Variants in PLIN4 observed in about 807,000 individuals in gnomAD.
PLIN4 encodes perilipin-4.
A neutral mutation model predicts 52.4 loss-of-function variants in PLIN4; 57 were observed. The ratio of observed to expected loss-of-function variants is 1.09; its 90% CI spans 0.88 to 1.36. The LOEUF is 1.36. PLIN4 is among the 40% of genes most tolerant of loss of function. The pLI is 0.00. For missense variants in PLIN4, 1,757 were observed against 1,770.3 expected (o/e 0.99, Z 0.13); for synonymous variants, 826 against 785.4 (o/e 1.05, Z -0.86).
chr19:4,509,061 G>A (rs2145259039), intron 5 of PLIN4, 106 bp from the exon 6 acceptor site: 4 of 1,135,940 alleles, frequency 3.5e-6, no homozygotes, highest in South Asian at 3.2e-5. Flanking sequence ...TGTGATCCCA[G>A]CACTCTGGGA....
chr19:4,504,337 A>G lies in PLIN4; in HGVS notation c.*122T>C. The G allele has an allele frequency of 2.0e-6, 2 of 1,020,842 alleles. No homozygotes were observed. Among genetic ancestry groups the G allele is most frequent in the Admixed American group, 6.0e-5 (2 of 33,376 alleles). 63.2% of individuals were successfully genotyped at this position (1,020,842 alleles called of 1,614,324 possible). On this transcript the variant is annotated 3_prime_UTR_variant, in exon 8 of 8. Transcript: ENST00000301286. ...AGCCCCTCGGCGCTCAGCCAGCTGC[A>G]GCCCCAAAGGTCTAGGGCTTTAGGG...
At position 4,504,734 on chromosome 19, in the gene PLIN4, G is replaced by A; in HGVS notation, c.3841C>T (p.His1281Tyr). 6.3e-7 allele frequency: 1 copy of A among 1,599,496 alleles called. No homozygotes were observed. Among genetic ancestry groups the A allele is most frequent in the Non-Finnish European group, 8.5e-7 (1 of 1,174,502 alleles). ...SRVCGLLRQL[H>Y]TAYSGLVSSL... ...GAGACCAGGCCACTGTAGGCCGTGT[G>A]CAGCTGCCGGAGAAGGCCGCAGACC... is the stretch of plus-strand genomic sequence containing the variant. Residue 1281 changes from histidine (H) to tyrosine (Y), a missense_variant, in exon 8 of 8, where the codon CAC becomes TAC. By Grantham distance (83) the His-to-Tyr change is moderately conservative. Transcript: ENST00000301286.
Position 4,504,488 on chromosome 19 carries a change from G to T in PLIN4, c.4087C>A (p.Pro1363Thr), listed in dbSNP as rs767075907. The stretch of plus-strand genomic sequence containing the variant: ...TGCCCGCCAGCGGGCAAGGCGAAGG[G>T]CCCTACCAGCCAGCTGAGCGGGGGA... ...HNPPLSWLVG[P>T]FALPAGGQ Residue 1363 changes from proline (P) to threonine (T), a missense_variant, in exon 8 of 8, where the codon CCC becomes ACC. Pro to Thr is a conservative substitution (Grantham distance 38, BLOSUM62 -1). Transcript: ENST00000301286. 2.5e-6 allele frequency: 4 copies of T among 1,595,402 alleles called. No homozygotes were observed. The South Asian group carries it at 3.3e-5, about 13-fold the overall frequency.
At chr19:4,509,602 C>T (rs1000165921) in intron 5 of PLIN4, among the ~76,000 whole-genome samples, 7 of 151,860 alleles carry the variant, frequency 4.6e-5, no homozygotes, top group Admixed American at 1.3e-4. Context: ...CCAGCCTGGG[C>T]GACAAGAGTG....
In PLIN4 at chr19:4,509,310, CAAAAA is replaced by C. The variant is rs71168909; in HGVS notation, c.3515-360_3515-356del. Among the ~76,000 whole-genome samples, 5 of 15,784 alleles carry C rather than the reference CAAAAA, an allele frequency of 3.2e-4. 1 individual carries two copies. The highest frequency in any genetic ancestry group is 6.4e-4 in the Non-Finnish European group (5 of 7,872). The allele number at this position is 15,784 out of a possible 152,430, so 10.4% of individuals were successfully genotyped here. On this transcript the variant is annotated intron_variant, in intron 5 of 7. Transcript: ENST00000301286. The stretch of plus-strand genomic sequence containing the variant: ...TGGGTAAGAGTGCGAGACTCCGTCT[CAAAAA>C]AAAAAAAAAAGTTAAGTGAGGCCAG...
At chr19:4,509,185 C>T (rs1021988475) in intron 5 of PLIN4, among the ~76,000 whole-genome samples, 7 of 151,122 alleles carry the variant, frequency 4.6e-5, no homozygotes, top group African/African-American at 1.7e-4. Flanking sequence ...GTGGCGGGTG[C>T]CTGTAGTCCC....
rs1555692744 is a variant in PLIN4 at position 4,511,980 on chromosome 19, C to CG, written c.1979dup (p.Thr661AspfsTer103). ...TGCCAAAGGTGTTCTTTGTACCTGT[C>CG]GCGATATTTTGGGTCGTTTTCAGCC... On this transcript the variant is annotated frameshift_variant, in exon 5 of 8. Coordinates refer to ENST00000301286, the MANE Select transcript of PLIN4 (RefSeq NM_001367868.2). LOFTEE classifies it high-confidence loss of function. 6.4e-7 allele frequency: 1 copy of CG among 1,565,212 alleles called. No individual in the cohort carries two copies. Among genetic ancestry groups the CG allele is most frequent in the South Asian group, 1.1e-5 (1 of 88,092 alleles).
Position 4,511,229 on chromosome 19 carries a change from C to A in PLIN4, c.2731G>T (p.Gly911Trp), listed in dbSNP as rs761005531. The A allele has an allele frequency of 6.2e-7, 1 of 1,611,418 alleles. No individual in the cohort carries two copies. The stretch of plus-strand genomic sequence containing the variant: ...GTGTCCACGCCGGTCTGGACAGTCC[C>A]TTTGGCCAAGTTCACAGCCCCTGTG... ...GLTGAVNLAKGTVQTGVDTSK... is the reference protein window; with the variant it reads ...GLTGAVNLAKWTVQTGVDTSK... Residue 911 changes from glycine (G) to tryptophan (W), a missense_variant, in exon 5 of 8, where the codon GGG (glycine) becomes TGG (tryptophan). Transcript: ENST00000301286.
rs200403335 is a variant in PLIN4, at chr19:4,510,536, C to T, written c.3424G>A (p.Gly1142Ser). 2.2e-5 allele frequency: 33 copies of T among 1,493,654 alleles called. No individual in the cohort carries two copies. The highest frequency in any genetic ancestry group is 5.6e-5 in the African/African-American group (4 of 71,262). 92.5% of individuals were successfully genotyped at this position (1,493,654 alleles called of 1,614,324 possible). The change falls in exon 5 of 8, where the codon GGC (glycine) becomes AGC (serine). Residue 1142 changes from glycine to serine, a missense_variant. Around this residue, in one of 7 missense-constraint regions of PLIN4, gnomAD observed 712 missense variants for 637.1 expected, o/e 1.12. Coordinates refer to ENST00000301286, the MANE Select transcript of PLIN4 (RefSeq NM_001367868.2). ...EDTGLLATTH[G>S]PEEAPRLAML... Reference sequence around the variant, plus strand: ...GCCAAGCGTGGGGCTTCTTCGGGGCCGTGTGTGGTGGCCAAAAGCCCCGTG... The same window carrying T: ...GCCAAGCGTGGGGCTTCTTCGGGGCTGTGTGTGGTGGCCAAAAGCCCCGTG...
chr19:4,506,361 G>A (rs1294878476), intron 6 of PLIN4, among the ~76,000 whole-genome samples: 2 of 152,140 alleles, frequency 1.3e-5, no homozygotes, highest in African/African-American at 2.4e-5. Context: ...CCATTCTGAC[G>A]CACTCCCTCT....
At position 4,504,539 on chromosome 19, in the gene PLIN4, G is replaced by A. The variant is rs202046870; in HGVS notation, c.4036C>T (p.Gln1346Ter). 1.4e-4 allele frequency: 229 copies of A among 1,606,520 alleles called. No homozygotes were observed. In the Admixed American group the frequency reaches 1.9e-3, roughly 13 times the overall value. ...TTGTGCTGTAGGCCCTCCAGCAGCTGCTCTAACCCCTGCCAAGCCTGGTGC... is the reference window on the plus strand; with the variant it reads ...TTGTGCTGTAGGCCCTCCAGCAGCTACTCTAACCCCTGCCAAGCCTGGTGC... ...GVHQAWQGLE[Q>*]LLEGLQHNPP... Residue 1346 changes from glutamine to a stop codon, truncating the protein, a stop_gained, in exon 8 of 8, where the codon CAG (glutamine) becomes TAG (stop). Transcript: ENST00000301286. LOFTEE classifies it low-confidence loss of function (END_TRUNC).
At chr19:4,509,031 CG>C in intron 5 of PLIN4, 76 bp from the exon 6 acceptor site, 1 of 1,401,502 alleles carries the variant, frequency 7.1e-7, no homozygotes, top group East Asian at 2.5e-5. Flanking sequence ...AAGTGAGGGC[CG>C]GGCGCGGCGG....
intron 5 of PLIN4, among the ~76,000 whole-genome samples, chr19:4,509,390 G>T (rs1360932616): frequency 1.3e-5 from 2 of 150,174 alleles, no homozygotes; most frequent in African/African-American, 4.9e-5. Flanking sequence ...GCCAAGGCGG[G>T]TGGATCACCT....
At chr19:4,513,785 G>A (rs564278769) in intron 4 of PLIN4, 84 bp from the exon 5 acceptor site, 1 of 1,455,266 alleles carries the variant, frequency 6.9e-7, no homozygotes, top group South Asian at 1.4e-5. Flanking sequence ...GCCCCCTAGT[G>A]TGCTTTGGGG....
At chr19:4,518,345 A>C in intron 1 of PLIN4, 40 bp downstream of exon 1, 1 of 1,231,768 alleles carries the variant, frequency 8.1e-7, no homozygotes, top group Non-Finnish European at 1.0e-6. Context: ...CCCATCCCAC[A>C]CCCACTCCCC....
chr19:4,514,596 G>A (rs1245470082), intron 4 of PLIN4, among the ~76,000 whole-genome samples: 1 of 151,900 alleles, frequency 6.6e-6, no homozygotes, highest in African/African-American at 2.4e-5. Context: ...GTGTGGTGGT[G>A]GGCGCCTGTA....
rs2145265854 is a variant in PLIN4 at position 4,510,477 on chromosome 19, G to A, written c.3483C>T (p.Asp1161=). Residue 1161 remains aspartate (D), a synonymous_variant, in exon 5 of 8, where the codon GAC becomes GAT. Transcript: ENST00000301286. ...MLQNELEGLG[D]IFHPMNAEEQ... Reference sequence around the variant, plus strand: ...CCTCCGCATTCATGGGGTGGAAGATGTCCCCCAGCCCCTCCAACTCATTCT... The same window carrying A: ...CCTCCGCATTCATGGGGTGGAAGATATCCCCCAGCCCCTCCAACTCATTCT... The A allele has an allele frequency of 7.0e-7, 1 of 1,436,990 alleles. No individual in the cohort carries two copies. Among genetic ancestry groups the A allele is most frequent in the African/African-American group, 1.4e-5 (1 of 69,906 alleles). The allele number at this position is 1,436,990 out of a possible 1,614,324, so 89.0% of individuals were successfully genotyped here.
rs748425617 is a variant in PLIN4 at position 4,513,378 on chromosome 19, G to T, written c.582C>A (p.Thr194=). The T allele has an allele frequency of 2.5e-6, 4 of 1,611,458 alleles. No homozygotes were observed. In the South Asian group the frequency reaches 3.3e-5, roughly 13 times the overall value. ...KGTVQAGVDT[T]KTVLTGTKDT... is the part of the protein sequence containing the mutation. ...CTTTGGTGCCGGTCAGCACAGTCTT[G>T]GTGGTGTCCACACCGGCCTGTACGG... Residue 194 remains threonine, a synonymous_variant, in exon 5 of 8, where the codon ACC becomes ACA. Transcript: ENST00000301286.
Position 4,517,722 on chromosome 19 carries a change from A to G in PLIN4, c.52-24T>C, listed in dbSNP as rs370708739. 732 of 1,564,788 alleles carry G rather than the reference A, an allele frequency of 4.7e-4. 2 individuals are homozygous for G. In the African/African-American group the frequency reaches 9.2e-3, roughly 20 times the overall value. On this transcript the variant is annotated intron_variant, in intron 2 of 7. Transcript: ENST00000301286. ...GTCTGCATGGGGGCGGGGGGTGTGC[A>G]GGATGAGCAGGCCAAGCCTCGGCAG...
Sources: gnomAD v4.1 joint callset for allele counts (sites outside exome capture counted in the v4.1 genomes callset) on GRCh38, gnomAD v4.1.1 for gene constraint, gnomAD v4.1.1 regional missense constraint, MANE v1.5 for transcripts, NCBI Gene and HGNC (gene_info 2026-07-23, HGNC 2026-07-21) for gene names.